WAC: variants seen among roughly 807,000 people sequenced by gnomAD.
WAC encodes the protein WW domain containing adaptor with coiled-coil, also known as WW domain-containing adapter protein with coiled-coil.
Under a neutral mutation model 79.6 loss-of-function variants are expected in WAC, and 11 were observed. The ratio of observed to expected loss-of-function variants is 0.14; its 90% CI spans 0.09 to 0.23. WAC has a LOEUF of 0.23. Ranked by LOEUF, WAC falls within the 10% of genes least tolerant of loss-of-function variation. WAC has a pLI of 1.00. For missense variants in WAC, 728 were observed against 773.5 expected (o/e 0.94, Z 0.70); for synonymous variants, 304 against 276.9 (o/e 1.10, Z -0.97).
intron 11 of WAC, chr10:28,615,520 A>T (rs1463830454): frequency 1.3e-5 from 2 of 152,048 alleles, no homozygotes; most frequent in African/African-American, 4.8e-5. Context: ...CCTTTGGGAG[A>T]TTTAGTTTTT....
intron 3 of WAC, among the ~76,000 whole-genome samples, chr10:28,574,192 G>A (rs1251461842): frequency 6.6e-6 from 1 of 151,862 alleles, no homozygotes; most frequent in Non-Finnish European, 1.5e-5. Flanking sequence ...AGACAGTCTT[G>A]CTCTGTGTAC....
intron 3 of WAC, among the ~76,000 whole-genome samples, chr10:28,554,864 C>T (rs925805244): frequency 6.6e-6 from 1 of 152,110 alleles, no homozygotes. Context: ...CTAGAATACT[C>T]TCTTTCCATC....
chr10:28,575,468 G>A (rs1182613992), intron 3 of WAC, among the ~76,000 whole-genome samples: 1 of 152,202 alleles, frequency 6.6e-6, no homozygotes, highest in Non-Finnish European at 1.5e-5. Context: ...GAGGGTTCCA[G>A]TTTTTCTGCA....
At chr10:28,591,447 G>A (rs1840078373) in intron 6 of WAC, 1 of 152,164 alleles carries the variant, frequency 6.6e-6, no homozygotes, top group Non-Finnish European at 1.5e-5. Flanking sequence ...GTGTTCTTCT[G>A]AGGCCAAATT....
At chr10:28,552,179 GT>G (rs1339575676) in intron 3 of WAC, among the ~76,000 whole-genome samples, 4 of 151,936 alleles carry the variant, frequency 2.6e-5, no homozygotes, top group African/African-American at 4.8e-5. Flanking sequence ...TTACTTTTCA[GT>G]TTTTTTTCCT....
intron 3 of WAC, among the ~76,000 whole-genome samples, chr10:28,558,077 A>G (rs376832010): frequency 6.6e-6 from 1 of 152,090 alleles, no homozygotes; most frequent in African/African-American, 2.4e-5. Flanking sequence ...CTGTCTCGGA[A>G]AAAAAAAGAA....
chr10:28,540,973 C>G (rs555261816), intron 3 of WAC, among the ~76,000 whole-genome samples: 1 of 151,898 alleles, frequency 6.6e-6, no homozygotes, highest in Admixed American at 6.6e-5. Flanking sequence ...ATTTGTCTTA[C>G]GCTTCTCATA....
intron 3 of WAC, among the ~76,000 whole-genome samples, chr10:28,550,291 C>CT (rs111684126): frequency 0.13 from 18,406 of 144,962 alleles, 1,468 homozygotes; most frequent in Middle Eastern, 0.21. Context: ...TCCTAGGCAT[C>CT]TTTTTTTTTT....
At chr10:28,587,930 T>C (rs1396342259) in intron 4 of WAC, among the ~76,000 whole-genome samples, 1 of 151,872 alleles carries the variant, frequency 6.6e-6, no homozygotes, top group East Asian at 1.9e-4. Context: ...CTGACTTTTT[T>C]TTTTCCTTAA....
chr10:28,574,923 G>C lies in WAC; in HGVS notation c.275-8476G>C, dbSNP rs530272829. Among the ~76,000 whole-genome samples the C allele has an allele frequency of 3.5e-4, 53 of 151,948 alleles. No homozygotes were observed. In the East Asian group the frequency reaches 6.8e-3, roughly 19 times the overall value. On this transcript the variant is annotated intron_variant, in intron 3 of 13. Coordinates refer to ENST00000354911, the MANE Select transcript of WAC (RefSeq NM_016628.5). ...GCCAGTATAGTGCCAGTACATTTTA[G>C]GTACACAAGTAGATGTTTGAATGAA...
At chr10:28,553,632 T>G (rs1000144733) in intron 3 of WAC, among the ~76,000 whole-genome samples, 4 of 152,138 alleles carry the variant, frequency 2.6e-5, no homozygotes, top group African/African-American at 4.8e-5. Flanking sequence ...TGTTACTGTT[T>G]TAAGTTAAAG....
intron 3 of WAC, among the ~76,000 whole-genome samples, chr10:28,571,097 A>G (rs1050824445): frequency 2.0e-5 from 3 of 151,384 alleles, no homozygotes; most frequent in African/African-American, 7.3e-5. Context: ...AGCTGGGACT[A>G]CAGGCGCTCG....
At chr10:28,535,990 C>T (rs1836645197) in intron 3 of WAC, 1 of 304,262 alleles carries the variant, frequency 3.3e-6, no homozygotes, top group Non-Finnish European at 6.0e-6. Context: ...CGCCTGTAAT[C>T]TCAGCACTTG....
At chr10:28,578,743 T>C (rs767579875) in intron 3 of WAC, among the ~76,000 whole-genome samples, 4 of 152,170 alleles carry the variant, frequency 2.6e-5, no homozygotes, top group Non-Finnish European at 4.4e-5. Context: ...GTTGTGTCCT[T>C]CTCACCCTTA....
intron 9 of WAC, chr10:28,611,499 G>A: frequency 7.3e-7 from 1 of 1,377,530 alleles, no homozygotes; most frequent in Admixed American, 2.4e-5. Context: ...GGCCTTCCAT[G>A]TGAGATTAGG....
At chr10:28,618,185 G>A (rs1841557104) in intron 13 of WAC, 1 of 157,256 alleles carries the variant, frequency 6.4e-6, no homozygotes, top group African/African-American at 2.4e-5. Flanking sequence ...TAGTGTATCT[G>A]CTGTCTTAGT....
At chr10:28,601,986 A>AT (rs1291459888) in intron 7 of WAC, among the ~76,000 whole-genome samples, 1 of 152,206 alleles carries the variant, frequency 6.6e-6, no homozygotes, top group Non-Finnish European at 1.5e-5. Context: ...AGAAATGTGG[A>AT]TGTACTTAAA....
At chr10:28,545,890 C>T (rs1398320651) in intron 3 of WAC, among the ~76,000 whole-genome samples, 1 of 152,230 alleles carries the variant, frequency 6.6e-6, no homozygotes, top group Non-Finnish European at 1.5e-5. Context: ...AACACCTCGT[C>T]TCTAGCATTA....
chr10:28,583,881 T>G (rs1025490562), intron 4 of WAC, among the ~76,000 whole-genome samples: 1 of 152,174 alleles, frequency 6.6e-6, no homozygotes, highest in African/African-American at 2.4e-5. Context: ...GATACATTTA[T>G]TATCTACTGT....
Sources: gnomAD v4.1 joint callset for allele counts (sites outside exome capture counted in the v4.1 genomes callset) on GRCh38, gnomAD v4.1.1 for gene constraint, MANE v1.5 for transcripts, NCBI Gene and HGNC (gene_info 2026-07-23, HGNC 2026-07-21) for gene names.